JARID2: variants seen among roughly 807,000 people sequenced by gnomAD.
JARID2 encodes protein Jumonji.
Under a neutral mutation model 125.6 loss-of-function variants are expected in JARID2, and 21 were observed. That is an observed-to-expected ratio of 0.17 (90% CI 0.12 to 0.24). The LOEUF (loss-of-function observed/expected upper bound fraction) is 0.24, where lower values mean the gene tolerates loss of function less well. Among genes scored for constraint, JARID2 ranks in the 10% least tolerant of loss-of-function variants. The pLI, the probability that JARID2 is intolerant of heterozygous loss-of-function variation, is 1.00. For missense variants in JARID2, 1,303 were observed against 1,639.6 expected (o/e 0.79, Z 3.55); for synonymous variants, 736 against 661.6 (o/e 1.11, Z -1.73).
chr6:15,404,341 C>T (rs1348574725), intron 2 of JARID2, among the ~76,000 whole-genome samples: 2 of 152,200 alleles, frequency 1.3e-5, no homozygotes, highest in Non-Finnish European at 2.9e-5. Flanking sequence ...GCCCTGGCAT[C>T]GGAATGCCTA....
chr6:15,439,911 G>A (rs1223960591), intron 3 of JARID2, among the ~76,000 whole-genome samples: 3 of 152,184 alleles, frequency 2.0e-5, no homozygotes, highest in Admixed American at 1.3e-4. Context: ...CACAGCAAAT[G>A]CAAGCATGTT....
intron 2 of JARID2, among the ~76,000 whole-genome samples, chr6:15,390,902 C>T (rs182559027): frequency 1.2e-4 from 18 of 152,270 alleles, no homozygotes; most frequent in Non-Finnish European, 2.5e-4. Context: ...TTGATACCAC[C>T]ATCTGTTTGG....
At chr6:15,461,956 C>T (rs78478806) in intron 4 of JARID2, among the ~76,000 whole-genome samples, 88 of 152,130 alleles carry the variant, frequency 5.8e-4, no homozygotes, top group African/African-American at 2.0e-3. Flanking sequence ...TAGGCACCTC[C>T]GTATTCAGTA....
chr6:15,256,360 C>T (rs1407868025), intron 1 of JARID2, among the ~76,000 whole-genome samples: 1 of 152,132 alleles, frequency 6.6e-6, no homozygotes, highest in Non-Finnish European at 1.5e-5. Context: ...ACACTTGACT[C>T]CTAAATACAC....
At chr6:15,256,638 T>C (rs1284345985) in intron 1 of JARID2, among the ~76,000 whole-genome samples, 1 of 152,170 alleles carries the variant, frequency 6.6e-6, no homozygotes, top group Non-Finnish European at 1.5e-5. Flanking sequence ...ATTTTATTCC[T>C]CTACTTGCTT....
intron 2 of JARID2, among the ~76,000 whole-genome samples, chr6:15,396,491 A>G (rs992748395): frequency 2.0e-5 from 3 of 152,200 alleles, no homozygotes; most frequent in African/African-American, 4.8e-5. Flanking sequence ...TAAAAAATTC[A>G]TGTAGAATAC....
chr6:15,472,083 A>G (rs1179762772), intron 5 of JARID2, among the ~76,000 whole-genome samples: 2 of 151,152 alleles, frequency 1.3e-5, no homozygotes, highest in Admixed American at 1.3e-4. Flanking sequence ...CAGTGTTGGG[A>G]TTTTTTTGTC....
chr6:15,366,825 T>C (rs1763996970), intron 1 of JARID2, among the ~76,000 whole-genome samples: 1 of 152,176 alleles, frequency 6.6e-6, no homozygotes, highest in Non-Finnish European at 1.5e-5. Flanking sequence ...CACCAGGTTG[T>C]TATTTAAAAC....
intron 1 of JARID2, among the ~76,000 whole-genome samples, chr6:15,371,343 C>T (rs1764164475): frequency 6.6e-6 from 1 of 152,182 alleles, no homozygotes; most frequent in Non-Finnish European, 1.5e-5. Flanking sequence ...AATTTATAAA[C>T]TGTGTACATG....
At chr6:15,386,241 CCCCTCT>C (rs1314694986) in intron 2 of JARID2, among the ~76,000 whole-genome samples, 1 of 150,666 alleles carries the variant, frequency 6.6e-6, no homozygotes, top group Non-Finnish European at 1.5e-5. Flanking sequence ...CTCTCCCCCA[CCCCTCT>C]CCCTCTCCCT....
chr6:15,508,963 G>A (rs955311454), intron 12 of JARID2: 1 of 1,289,294 alleles, frequency 7.8e-7, no homozygotes, highest in Middle Eastern at 2.1e-4. Flanking sequence ...GTTATTTTCA[G>A]CCTCTCTGTA....
At chr6:15,433,553 A>C (rs1168841609) in intron 3 of JARID2, among the ~76,000 whole-genome samples, 1 of 152,066 alleles carries the variant, frequency 6.6e-6, no homozygotes, top group Admixed American at 6.5e-5. Flanking sequence ...TATTAGAGCA[A>C]ACAATGTGAT....
At chr6:15,493,169 G>A (rs1473695538) in intron 6 of JARID2, among the ~76,000 whole-genome samples, 1 of 152,022 alleles carries the variant, frequency 6.6e-6, no homozygotes. Flanking sequence ...GATAGAATAT[G>A]AGAGACATAG....
intron 1 of JARID2, among the ~76,000 whole-genome samples, chr6:15,368,039 G>T (rs1413540866): frequency 1.3e-5 from 2 of 152,056 alleles, no homozygotes; most frequent in Non-Finnish European, 2.9e-5. Flanking sequence ...CTTGGTGGGT[G>T]ATCCAACCAA....
chr6:15,442,477 A>G (rs1181962863), intron 3 of JARID2, among the ~76,000 whole-genome samples: 1 of 152,168 alleles, frequency 6.6e-6, no homozygotes, highest in Non-Finnish European at 1.5e-5. Context: ...TACTGTCTTT[A>G]TGTAGTCCCT....
intron 1 of JARID2, among the ~76,000 whole-genome samples, chr6:15,321,796 T>G (rs1318677590): frequency 1.5e-5 from 2 of 137,422 alleles, no homozygotes; most frequent in African/African-American, 2.8e-5. Flanking sequence ...TTTTTTTTTT[T>G]TTTTTTTTTT....
chr6:15,479,301 T>A (rs1044923018), intron 5 of JARID2, among the ~76,000 whole-genome samples: 3 of 152,248 alleles, frequency 2.0e-5, no homozygotes, highest in African/African-American at 7.2e-5. Context: ...CAAAAACCAT[T>A]CATCCTGATT....
At chr6:15,468,169 C>CTTT (rs10700305) in intron 4 of JARID2, among the ~76,000 whole-genome samples, 24 of 134,840 alleles carry the variant, frequency 1.8e-4, no homozygotes, top group Admixed American at 3.6e-4. Context: ...TCTTCTCTGT[C>CTTT]TTTTTTTTTT....
intron 1 of JARID2, chr6:15,248,795 A>T: frequency 2.5e-6 from 1 of 397,506 alleles, no homozygotes; most frequent in Non-Finnish European, 3.4e-6. Flanking sequence ...CTCCTCCGTG[A>T]CGTCAAAAGT....
Sources: allele counts gnomAD v4.1 joint callset (sites outside exome capture counted in the v4.1 genomes callset), GRCh38; gene constraint gnomAD v4.1.1; transcripts MANE v1.5; gene names NCBI Gene and HGNC (gene_info 2026-07-23, HGNC 2026-07-21).